Variants in PRNP observed in about 807,000 individuals in gnomAD.
PRNP encodes the protein major prion protein.
A neutral mutation model predicts 21.3 loss-of-function variants in PRNP; 15 were observed. The observed-to-expected ratio is 0.71, with a 90% CI of 0.47 to 1.09. The LOEUF (loss-of-function observed/expected upper bound fraction) is 1.09, where lower values mean the gene tolerates loss of function less well. PRNP is among the 50% of genes least tolerant of loss of function. The probability of loss-of-function intolerance (pLI) is 0.00; values close to 1 mark genes in which losing one functional copy is unlikely to be tolerated. For missense variants in PRNP, 285 were observed against 340.9 expected (o/e 0.84, Z 1.29); for synonymous variants, 121 against 123.1 (o/e 0.98, Z 0.11).
intron 1 of PRNP, among the ~76,000 whole-genome samples, chr20:4,693,421 T>C (rs1411090121): frequency 6.6e-6 from 1 of 152,188 alleles, no homozygotes; most frequent in African/African-American, 2.4e-5. Context: ...TCCTCCTGCC[T>C]GAGCTTCCCA....
At position 4,700,585 on chromosome 20, in the gene PRNP, G is replaced by GCTA. The variant is rs1922542697; in HGVS notation, c.*605_*607dup. 1 of 230,346 alleles carries GCTA rather than the reference G, an allele frequency of 4.3e-6. No homozygotes were observed. Among genetic ancestry groups the GCTA allele is most frequent in the Non-Finnish European group, 9.4e-6 (1 of 106,824 alleles). 14.3% of individuals were successfully genotyped at this position (230,346 alleles called of 1,614,324 possible). A position where few individuals can be genotyped will look rare whatever the true frequency, so the allele number is the denominator to read the frequency against. ...TGATGTTTTACTTTTCACAGTATGG[G>GCTA]CTACACAGCAGCTGTTCAACAAGAG... is the stretch of plus-strand genomic sequence containing the variant. On this transcript the variant is annotated 3_prime_UTR_variant, in exon 2 of 2. Coordinates refer to ENST00000379440, the MANE Select transcript of PRNP (RefSeq NM_000311.5). This position sits in a 1 kb window ranked among gnomAD's most constrained non-coding sequence, Gnocchi z 4.1.
At position 4,699,106 on chromosome 20, in the gene PRNP, A is replaced by G. The variant is rs1042061161; in HGVS notation, c.-10-105A>G. On this transcript the variant is annotated intron_variant, in intron 1 of 1. Coordinates refer to ENST00000379440, the MANE Select transcript of PRNP (RefSeq NM_000311.5). This position sits in a 1 kb window ranked among gnomAD's most constrained non-coding sequence, Gnocchi z 5.8. ...AGTACAGGGTGGCAACAGTGTTTCT[A>G]CTGAGCAGCTGATACCATTGCTATG... The G allele has an allele frequency of 1.2e-4, 164 of 1,382,210 alleles. No individual in the cohort carries two copies. Among genetic ancestry groups the G allele is most frequent in the Non-Finnish European group, 1.6e-4 (153 of 977,960 alleles). The allele number at this position is 1,382,210 out of a possible 1,614,324, so 85.6% of individuals were successfully genotyped here.
At chr20:4,688,392 G>C (rs1307633431) in intron 1 of PRNP, among the ~76,000 whole-genome samples, 1 of 152,148 alleles carries the variant, frequency 6.6e-6, no homozygotes, top group African/African-American at 2.4e-5. Flanking sequence ...TAGAATGGAG[G>C]AAATGATAGC....
At chr20:4,695,229 T>G (rs1922094079) in intron 1 of PRNP, among the ~76,000 whole-genome samples, 1 of 152,136 alleles carries the variant, frequency 6.6e-6, no homozygotes, top group Non-Finnish European at 1.5e-5. Flanking sequence ...TACAGATTAT[T>G]TCATCACTCA....
rs1323739312 is a variant in PRNP, at chr20:4,699,772, C to G, written c.552C>G (p.Ile184Met). Residue 184 changes from isoleucine (I) to methionine (M), a missense_variant, in exon 2 of 2, where the codon ATC (isoleucine) becomes ATG (methionine). Physicochemically the swap from Ile to Met is conservative, Grantham distance 10 (BLOSUM62 1). Coordinates refer to ENST00000379440, the MANE Select transcript of PRNP (RefSeq NM_000311.5). The surrounding 1 kb of genome is among the most constrained non-coding windows in gnomAD (Gnocchi z 5.8). Reference sequence around the variant, plus strand: ...TGCACGACTGCGTCAATATCACAATCAAGCAGCACACGGTCACCACAACCA... The same window carrying G: ...TGCACGACTGCGTCAATATCACAATGAAGCAGCACACGGTCACCACAACCA... Reference protein sequence around the residue: ...NFVHDCVNITIKQHTVTTTTK... With the variant: ...NFVHDCVNITMKQHTVTTTTK... The G allele has an allele frequency of 1.9e-6, 3 of 1,614,052 alleles. No homozygotes were observed. The highest frequency in any genetic ancestry group is 2.5e-6 in the Non-Finnish European group (3 of 1,180,010).
intron 1 of PRNP, among the ~76,000 whole-genome samples, chr20:4,694,553 T>C (rs1437790909): frequency 6.6e-6 from 1 of 152,216 alleles, no homozygotes; most frequent in Non-Finnish European, 1.5e-5. Context: ...TATAGAGATA[T>C]GTTTTCTAGT....
chr20:4,690,614 T>C (rs1268113098), intron 1 of PRNP, among the ~76,000 whole-genome samples: 1 of 152,238 alleles, frequency 6.6e-6, no homozygotes, highest in East Asian at 1.9e-4. Flanking sequence ...CTTCAGTCTT[T>C]TAAGTTTTGA....
At chr20:4,693,639 T>C (rs1268017301) in intron 1 of PRNP, among the ~76,000 whole-genome samples, 1 of 152,132 alleles carries the variant, frequency 6.6e-6, no homozygotes, top group Non-Finnish European at 1.5e-5. Context: ...GCTCCACAGA[T>C]TTGATCTCCT....
Position 4,697,141 on chromosome 20 carries a change from T to C in PRNP, c.-10-2070T>C, listed in dbSNP as rs922540080. ...CTGAATTGAAAATGTTAGCTGGCCA[T>C]TGTCAAAAATACTATTTTGTAAATT... On this transcript the variant is annotated intron_variant, in intron 1 of 1. Transcript: ENST00000379440. This position sits in a 1 kb window ranked among gnomAD's most constrained non-coding sequence, Gnocchi z 4.6. 1.3e-5 allele frequency among the ~76,000 whole-genome samples: 2 copies of C among 152,252 alleles called. No individual in the cohort carries two copies. Among genetic ancestry groups the C allele is most frequent in the Non-Finnish European group, 2.9e-5 (2 of 68,038 alleles).
chr20:4,698,604 AAG>A (rs1281820120), intron 1 of PRNP, among the ~76,000 whole-genome samples: 1 of 152,196 alleles, frequency 6.6e-6, no homozygotes, highest in Non-Finnish European at 1.5e-5. Flanking sequence ...AAAAATAAAA[AAG>A]GAGAAAGAGA....
intron 1 of PRNP, among the ~76,000 whole-genome samples, chr20:4,691,712 C>A (rs1336022363): frequency 1.3e-5 from 2 of 152,114 alleles, no homozygotes; most frequent in African/African-American, 2.4e-5. Flanking sequence ...GGGATATTGG[C>A]CTATACTGCC....
intron 1 of PRNP, among the ~76,000 whole-genome samples, chr20:4,694,700 C>A (rs552641743): frequency 6.6e-6 from 1 of 151,734 alleles, no homozygotes; most frequent in Non-Finnish European, 1.5e-5. Flanking sequence ...TTTCTGTTTT[C>A]TTCCTTTTGA....
intron 1 of PRNP, among the ~76,000 whole-genome samples, chr20:4,698,716 T>C (rs1046197168): frequency 2.6e-5 from 4 of 152,216 alleles, no homozygotes; most frequent in Admixed American, 2.6e-4. Flanking sequence ...CAGTGATGAT[T>C]TGGAGCCTAT....
rs1459223028 is a variant in PRNP, at chr20:4,701,299, T to G, written c.*1317T>G. On this transcript the variant is annotated 3_prime_UTR_variant, in exon 2 of 2. Transcript: ENST00000379440. This position sits in a 1 kb window ranked among gnomAD's most constrained non-coding sequence, Gnocchi z 4.2. ...AAATATATATTGCATAGGACAGACT[T>G]AGGAGTTTTGTTTAGAGCAGTTAAC... is the stretch of plus-strand genomic sequence containing the variant. 1 of 167,028 alleles carries G rather than the reference T, an allele frequency of 6.0e-6. No homozygotes were observed. Among genetic ancestry groups the G allele is most frequent in the East Asian group, 1.9e-4 (1 of 5,192 alleles). 10.3% of individuals were successfully genotyped at this position (167,028 alleles called of 1,614,324 possible). A position where few individuals can be genotyped will look rare whatever the true frequency, so the allele number is the denominator to read the frequency against.
At position 4,699,434 on chromosome 20, in the gene PRNP, G is replaced by A. The variant is rs1209553535; in HGVS notation, c.214G>A (p.Gly72Ser). The stretch of plus-strand genomic sequence containing the variant: ...TGGCTGGGGGCAGCCTCATGGTGGT[G>A]GCTGGGGGCAGCCCCATGGTGGTGG... ...GGGWGQPHGGGWGQPHGGGWG... is the reference protein window; with the variant it reads ...GGGWGQPHGGSWGQPHGGGWG... Residue 72 changes from glycine to serine, a missense_variant, in exon 2 of 2, where the codon GGC becomes AGC. By Grantham distance (56) the Gly-to-Ser change is moderately conservative. Coordinates refer to ENST00000379440, the MANE Select transcript of PRNP (RefSeq NM_000311.5). This position sits in a 1 kb window ranked among gnomAD's most constrained non-coding sequence, Gnocchi z 5.8. 1 of 1,611,744 alleles carries A rather than the reference G, an allele frequency of 6.2e-7. No individual in the cohort carries two copies. Among genetic ancestry groups the A allele is most frequent in the East Asian group, 2.2e-5 (1 of 44,844 alleles).
intron 1 of PRNP, among the ~76,000 whole-genome samples, chr20:4,693,456 C>A (rs57444062): frequency 0.015 from 2,319 of 152,222 alleles, 60 homozygotes; most frequent in African/African-American, 0.053. Context: ...TAGGCTTGAG[C>A]TGAGCTTTTG....
intron 1 of PRNP, among the ~76,000 whole-genome samples, chr20:4,691,828 C>A (rs1268119768): frequency 2.6e-5 from 4 of 152,098 alleles, no homozygotes; most frequent in Non-Finnish European, 5.9e-5. Flanking sequence ...AAACTTGATA[C>A]GATTTCAGTC....
At chr20:4,688,105 GA>G (rs1460797174) in intron 1 of PRNP, among the ~76,000 whole-genome samples, 1 of 152,104 alleles carries the variant, frequency 6.6e-6, no homozygotes, top group Non-Finnish European at 1.5e-5. Context: ...ACACCGAAAG[GA>G]AAATATTAAG....
intron 1 of PRNP, among the ~76,000 whole-genome samples, chr20:4,695,906 T>G (rs189747699): frequency 1.3e-5 from 2 of 152,306 alleles, no homozygotes; most frequent in African/African-American, 4.8e-5. Flanking sequence ...ACCTTCCTCC[T>G]TTATTGGTTC....
Sources: gnomAD v4.1 joint callset for allele counts (sites outside exome capture counted in the v4.1 genomes callset) on GRCh38, gnomAD v4.1.1 for gene constraint, Gnocchi (gnomAD v3.1) non-coding constraint, MANE v1.5 for transcripts, NCBI Gene and HGNC (gene_info 2026-07-23, HGNC 2026-07-21) for gene names.